AKAP13: variants seen among roughly 807,000 people sequenced by gnomAD.
AKAP13 encodes the protein A-kinase anchor protein 13.
A neutral mutation model predicts 264.5 loss-of-function variants in AKAP13; 80 were observed. The observed-to-expected ratio is 0.30, with a 90% CI of 0.25 to 0.36. AKAP13 has a LOEUF of 0.36. Among genes scored for constraint, AKAP13 ranks in the 10% least tolerant of loss-of-function variants. The pLI, the probability that AKAP13 is intolerant of heterozygous loss-of-function variation, is 1.00. For synonymous variants in AKAP13, 1,380 were observed against 1,250.2 expected (o/e 1.10, Z -2.19); for missense variants, 3,712 against 3,435.2 (o/e 1.08, Z -2.01).
intron 1 of AKAP13, among the ~76,000 whole-genome samples, chr15:85,480,125 T>G (rs2075304055): frequency 6.6e-6 from 1 of 152,218 alleles, no homozygotes; most frequent in African/African-American, 2.4e-5. Context: ...GGGATGAAAA[T>G]TTCCTGTAAT....
chr15:85,407,921 T>C (rs1239489246), intron 1 of AKAP13, among the ~76,000 whole-genome samples: 1 of 151,496 alleles, frequency 6.6e-6, no homozygotes, highest in African/African-American at 2.4e-5. Flanking sequence ...TTTGGACAGA[T>C]TGTGAGGGCT....
intron 7 of AKAP13, 129 bp downstream of exon 7, chr15:85,582,236 AG>A: frequency 9.6e-7 from 1 of 1,038,196 alleles, no homozygotes; most frequent in East Asian, 2.6e-5. Flanking sequence ...TAGGTAGCCA[AG>A]TTAATAGTCA....
chr15:85,747,475 T>A lies in AKAP13; in HGVS notation c.*2798T>A, dbSNP rs1045025880. 2.6e-5 allele frequency: 4 copies of A among 152,648 alleles called. No homozygotes were observed. Among genetic ancestry groups the A allele is most frequent in the African/African-American group, 9.7e-5 (4 of 41,446 alleles). 9.5% of individuals were successfully genotyped at this position (152,648 alleles called of 1,614,324 possible). A position where few individuals can be genotyped will look rare whatever the true frequency, so the allele number is the denominator to read the frequency against. The stretch of plus-strand genomic sequence containing the variant: ...TCTCCATCAAGCTAAAGAAATCACG[T>A]GCCTGAAACTGTGCTTAAGTTTTGG... On this transcript the variant is annotated 3_prime_UTR_variant, in exon 37 of 37. Coordinates refer to ENST00000394518, the MANE Select transcript of AKAP13 (RefSeq NM_007200.5).
At chr15:85,686,070 C>G (rs1377590118) in intron 16 of AKAP13, among the ~76,000 whole-genome samples, 22 of 152,134 alleles carry the variant, frequency 1.4e-4, no homozygotes, top group Admixed American at 1.4e-3. Flanking sequence ...CATCTACCCA[C>G]AACACCCTCT....
Position 85,743,927 on chromosome 15 carries a change from C to A in AKAP13, c.8392+102C>A, listed in dbSNP as rs1240013861. The A allele has an allele frequency of 3.0e-6, 4 of 1,355,856 alleles. No homozygotes were observed. In the East Asian group the frequency reaches 7.4e-5, roughly 25 times the overall value. 84.0% of individuals were successfully genotyped at this position (1,355,856 alleles called of 1,614,324 possible). On this transcript the variant is annotated intron_variant, in intron 36 of 36. Coordinates refer to ENST00000394518, the MANE Select transcript of AKAP13 (RefSeq NM_007200.5). ...GGGCGGGGTTGAAAAGGGGACAGTT[C>A]AGATGCTCAAAAGCCAAACTGCCAT...
chr15:85,546,321 AACACACACACACACACACACAC>A (rs60271542), intron 5 of AKAP13, among the ~76,000 whole-genome samples: 1 of 145,176 alleles, frequency 6.9e-6, no homozygotes, highest in East Asian at 2.0e-4. Flanking sequence ...GTTGTTACCA[AACACACACACACACACACACAC>A]ACACACACAC....
At chr15:85,665,002 A>G (rs1333334583) in intron 13 of AKAP13, among the ~76,000 whole-genome samples, 1 of 152,080 alleles carries the variant, frequency 6.6e-6, no homozygotes, top group Non-Finnish European at 1.5e-5. Context: ...GGAGTTCAAG[A>G]CCAGCCTGGG....
At chr15:85,698,685 T>C (rs1214297727) in intron 17 of AKAP13, among the ~76,000 whole-genome samples, 4 of 152,086 alleles carry the variant, frequency 2.6e-5, no homozygotes, top group Admixed American at 2.6e-4. Context: ...GGCTCATGCC[T>C]GTAATCCCAG....
chr15:85,411,473 C>G (rs775212929), intron 1 of AKAP13, among the ~76,000 whole-genome samples: 1 of 152,078 alleles, frequency 6.6e-6, no homozygotes, highest in East Asian at 1.9e-4. Flanking sequence ...AGTCTTGCTC[C>G]GTCCCCCAGG....
intron 8 of AKAP13, among the ~76,000 whole-genome samples, chr15:85,589,566 GC>G (rs1346779298): frequency 6.6e-6 from 1 of 150,754 alleles, no homozygotes; most frequent in Non-Finnish European, 1.5e-5. Flanking sequence ...GACCAGCCTG[GC>G]TAACATGGGG....
At chr15:85,622,392 G>T (rs1248451092) in intron 8 of AKAP13, among the ~76,000 whole-genome samples, 2 of 152,274 alleles carry the variant, frequency 1.3e-5, no homozygotes, top group South Asian at 2.1e-4. Flanking sequence ...AGGGCCCTGA[G>T]GAAGGAAGGA....
At chr15:85,415,173 C>T (rs755575982) in intron 1 of AKAP13, 94 of 1,045,900 alleles carry the variant, frequency 9.0e-5, no homozygotes, top group Non-Finnish European at 8.0e-5. Flanking sequence ...TGTGACAGCA[C>T]GCTGCCACGC....
At chr15:85,566,467 G>A (rs1218091594) in intron 5 of AKAP13, among the ~76,000 whole-genome samples, 1 of 152,150 alleles carries the variant, frequency 6.6e-6, no homozygotes, top group African/African-American at 2.4e-5. Flanking sequence ...TGAGACAGAT[G>A]TCATGTATCT....
At chr15:85,477,438 G>C (rs985303883) in intron 1 of AKAP13, among the ~76,000 whole-genome samples, 2 of 151,980 alleles carry the variant, frequency 1.3e-5, no homozygotes, top group Non-Finnish European at 2.9e-5. Context: ...TGGGGCACCA[G>C]CTGTTGTTTG....
At position 85,403,278 on chromosome 15, in the gene AKAP13, T is replaced by C. The variant is rs990996779; in HGVS notation, c.-12+22480T>C. 7.9e-5 allele frequency among the ~76,000 whole-genome samples: 12 copies of C among 152,332 alleles called. No homozygotes were observed. In the East Asian group the frequency reaches 2.3e-3, roughly 29 times the overall value. On this transcript the variant is annotated intron_variant, in intron 1 of 36. Transcript: ENST00000394518. Reference sequence around the variant, plus strand: ...AGAGATTAGATTGTTTTATGATCAGTGTGGTGCTAACTTTGATGCCCTAAG... The same window carrying C: ...AGAGATTAGATTGTTTTATGATCAGCGTGGTGCTAACTTTGATGCCCTAAG...
At position 85,722,314 on chromosome 15, in the gene AKAP13, G is replaced by C. The variant is rs749067993; in HGVS notation, c.6463G>C (p.Val2155Leu). 28 of 1,613,320 alleles carry C rather than the reference G, an allele frequency of 1.7e-5. No homozygotes were observed. The highest frequency in any genetic ancestry group is 2.3e-5 in the Non-Finnish European group (27 of 1,179,726). The change falls in exon 25 of 37, where the codon GTT becomes CTT. Residue 2155 changes from valine (V) to leucine (L), a missense_variant. By Grantham distance (32) the Val-to-Leu change is conservative. This residue lies in a region of AKAP13 where 342 missense variants were observed against 484.3 expected (regional missense o/e 0.71). Coordinates refer to ENST00000394518, the MANE Select transcript of AKAP13 (RefSeq NM_007200.5). ...AACTCAGCGGATTACCAAGTACCCAGTTTTATTCCAAAGAATATTGCAGTG... is the reference window on the plus strand; with the variant it reads ...AACTCAGCGGATTACCAAGTACCCACTTTTATTCCAAAGAATATTGCAGTG... ...LVTQRITKYP[V>L]LFQRILQCTK...
intron 1 of AKAP13, among the ~76,000 whole-genome samples, chr15:85,478,777 A>G (rs942920500): frequency 1.8e-4 from 27 of 151,886 alleles, no homozygotes; most frequent in African/African-American, 6.1e-4. Flanking sequence ...GTACCATCAT[A>G]TGATAGTGGG....
chr15:85,638,606 G>T (rs747464392), intron 8 of AKAP13, among the ~76,000 whole-genome samples: 1 of 152,110 alleles, frequency 6.6e-6, no homozygotes, highest in Non-Finnish European at 1.5e-5. Context: ...TTCAATCAAA[G>T]AGAATTATAA....
intron 1 of AKAP13, among the ~76,000 whole-genome samples, chr15:85,469,072 G>A (rs2074861218): frequency 7.3e-6 from 1 of 137,526 alleles, no homozygotes; most frequent in Non-Finnish European, 1.5e-5. Context: ...GCACCACCAC[G>A]CCCAGCTAAT....
Sources: gnomAD v4.1 joint callset for allele counts (sites outside exome capture counted in the v4.1 genomes callset) on GRCh38, gnomAD v4.1.1 for gene constraint, gnomAD v4.1.1 regional missense constraint, MANE v1.5 for transcripts, NCBI Gene and HGNC (gene_info 2026-07-23, HGNC 2026-07-21) for gene names.